Variants in JAKMIP3 observed in about 807,000 individuals in gnomAD.
JAKMIP3 encodes Janus kinase and microtubule interacting protein 3, also known as janus kinase and microtubule-interacting protein 3.
JAKMIP3 carries 58 observed loss-of-function variants against 118.5 expected under a neutral mutation model. That is an observed-to-expected ratio of 0.49 (90% CI 0.40 to 0.61). The LOEUF (loss-of-function observed/expected upper bound fraction) is 0.61. Among genes scored for constraint, JAKMIP3 ranks in the 20% least tolerant of loss-of-function variants. The pLI is 0.00. For synonymous variants in JAKMIP3, 486 were observed against 451.2 expected (o/e 1.08, Z -0.98); for missense variants, 950 against 1,109.0 (o/e 0.86, Z 2.04).
chr10:132,157,970 C>A (rs1253710049), intron 19 of JAKMIP3, among the ~76,000 whole-genome samples: 1 of 151,828 alleles, frequency 6.6e-6, no homozygotes, highest in Non-Finnish European at 1.5e-5. Context: ...AGAGATTGTA[C>A]AAAAAAATTC....
chr10:132,128,153 C>G (rs1231881466), intron 3 of JAKMIP3, among the ~76,000 whole-genome samples: 1 of 152,250 alleles, frequency 6.6e-6, no homozygotes, highest in Non-Finnish European at 1.5e-5. Context: ...GACTTGCCTT[C>G]ATTTCCAAGG....
At chr10:132,092,528 C>T (rs1420300304) in intron 1 of JAKMIP3, among the ~76,000 whole-genome samples, 1 of 152,216 alleles carries the variant, frequency 6.6e-6, no homozygotes. Context: ...GGTCTTCAAT[C>T]ACTGATACCC....
chr10:132,115,205 G>A (rs1457351782), intron 2 of JAKMIP3, among the ~76,000 whole-genome samples: 3 of 97,754 alleles, frequency 3.1e-5, no homozygotes, highest in East Asian at 4.4e-4. Context: ...CCGCGATCGC[G>A]GCTAGGGGTC....
intron 1 of JAKMIP3, among the ~76,000 whole-genome samples, chr10:132,069,325 C>T (rs952179228): frequency 2.1e-4 from 32 of 152,086 alleles, no homozygotes; most frequent in African/African-American, 7.2e-4. Flanking sequence ...TGTGTTACAC[C>T]CCCAAGGACA....
At position 132,117,586 on chromosome 10, in the gene JAKMIP3, GGCAGGGGCGGGCGTGGGCGAGGGT is replaced by G. The variant is rs147938166; in HGVS notation, c.633+66_633+89del. ...AGATCCGCAGGCTGGTACGTGGGCA[GGCAGGGGCGGGCGTGGGCGAGGGT>G]GCAGGGGCGGGCGTGGGCGAGGGTG... On this transcript the variant is annotated intron_variant, in intron 3 of 23. Coordinates refer to ENST00000684848, the MANE Select transcript of JAKMIP3 (RefSeq NM_001323087.2). This position sits in a 1 kb window ranked among gnomAD's most constrained non-coding sequence, Gnocchi z 8.6. The G allele has an allele frequency of 0.11, 170,747 of 1,498,708 alleles. 34,988 individuals are homozygous for G. The highest frequency in any genetic ancestry group is 0.38 in the East Asian group (14,823 of 39,080). The allele number at this position is 1,498,708 out of a possible 1,614,324, so 92.8% of individuals were successfully genotyped here.
intron 8 of JAKMIP3, 127 bp downstream of exon 8, chr10:132,137,416 TTTG>T (rs1369779335): frequency 8.2e-7 from 1 of 1,217,858 alleles, no homozygotes; most frequent in African/African-American, 1.5e-5. Context: ...TCGGGTGGAT[TTTG>T]TTGTTGCAGT....
intron 23 of JAKMIP3, among the ~76,000 whole-genome samples, chr10:132,177,279 G>A (rs573311738): frequency 5.9e-5 from 9 of 152,392 alleles, no homozygotes; most frequent in East Asian, 5.8e-4. Context: ...GCTGGGCATC[G>A]CTGTGGAGGC....
Position 132,117,491 on chromosome 10 carries a change from G to T in JAKMIP3, c.550G>T (p.Ala184Ser). Residue 184 changes from alanine to serine, a missense_variant, in exon 3 of 24, where the codon GCA becomes TCA. Physicochemically the swap from Ala to Ser is moderately conservative, Grantham distance 99. Coordinates refer to ENST00000684848, the MANE Select transcript of JAKMIP3 (RefSeq NM_001323087.2). The surrounding 1 kb of genome is among the most constrained non-coding windows in gnomAD (Gnocchi z 8.6). ...LVIQADKIKAAEIRSVYHLHQ... is the reference protein window; with the variant it reads ...LVIQADKIKASEIRSVYHLHQ... ...GATCCAAGCGGACAAGATCAAGGCC[G>T]CAGAGATCCGCAGCGTGTACCACCT... The T allele has an allele frequency of 6.2e-7, 1 of 1,612,240 alleles. No homozygotes were observed. The highest frequency in any genetic ancestry group is 8.5e-7 in the Non-Finnish European group (1 of 1,179,306).
chr10:132,069,227 G>A (rs1032679821), intron 1 of JAKMIP3, among the ~76,000 whole-genome samples: 2 of 152,170 alleles, frequency 1.3e-5, no homozygotes, highest in African/African-American at 4.8e-5. Context: ...CTTCCTGCCT[G>A]AGGAGGACTC....
intron 2 of JAKMIP3, among the ~76,000 whole-genome samples, chr10:132,111,357 C>CCA (rs1554934588): frequency 1.3e-5 from 2 of 151,886 alleles, no homozygotes; most frequent in African/African-American, 4.8e-5. Flanking sequence ...AGACCCCCCC[C>CCA]ATGAGCACAG....
chr10:132,080,445 T>G (rs1343426149), intron 1 of JAKMIP3, among the ~76,000 whole-genome samples: 6 of 151,316 alleles, frequency 4.0e-5, no homozygotes, highest in Non-Finnish European at 5.9e-5. Context: ...AAATGTGTAT[T>G]CAAATCCTTC....
intron 4 of JAKMIP3, among the ~76,000 whole-genome samples, chr10:132,133,826 C>T (rs1488853387): frequency 6.6e-6 from 1 of 152,264 alleles, no homozygotes; most frequent in Non-Finnish European, 1.5e-5. Context: ...ATGGCACTTG[C>T]TGGCCCGGAG....
At chr10:132,070,850 G>C (rs11146145) in intron 1 of JAKMIP3, among the ~76,000 whole-genome samples, 2 of 152,002 alleles carry the variant, frequency 1.3e-5, no homozygotes, top group Non-Finnish European at 2.9e-5. Context: ...TGACAGCCAC[G>C]CTCAGACACA....
intron 1 of JAKMIP3, among the ~76,000 whole-genome samples, chr10:132,100,165 C>CCCCCACACGGA (rs2134709851): frequency 1.1e-5 from 1 of 93,106 alleles, no homozygotes; most frequent in East Asian, 3.4e-4. Flanking sequence ...CCCTCACAGG[C>CCCCCACACGGA]CCCCACACGG....
At chr10:132,167,092 G>A (rs369041091) in intron 22 of JAKMIP3, 37 bp downstream of exon 22, 21 of 1,421,160 alleles carry the variant, frequency 1.5e-5, no homozygotes, top group African/African-American at 2.9e-5. Context: ...CAGGGGTCCC[G>A]CTCTGCTTCC....
At chr10:132,052,392 T>C (rs2038127070) in intron 1 of JAKMIP3, among the ~76,000 whole-genome samples, 1 of 152,256 alleles carries the variant, frequency 6.6e-6, no homozygotes. Flanking sequence ...TTGAGTTTTC[T>C]TATGTAGATC....
chr10:132,073,986 ACCAGCAGC>A (rs2040385661), intron 1 of JAKMIP3, among the ~76,000 whole-genome samples: 1 of 141,032 alleles, frequency 7.1e-6, no homozygotes, highest in African/African-American at 2.7e-5. Flanking sequence ...TTACATTCCC[ACCAGCAGC>A]GTACAAGAGT....
chr10:132,083,815 T>C (rs975498860), intron 1 of JAKMIP3, among the ~76,000 whole-genome samples: 1 of 152,156 alleles, frequency 6.6e-6, no homozygotes, highest in Admixed American at 6.6e-5. Context: ...TTTTTGTTTG[T>C]TTTGTCAAAG....
intron 19 of JAKMIP3, among the ~76,000 whole-genome samples, chr10:132,162,814 G>A (rs181813451): frequency 6.2e-4 from 94 of 152,328 alleles, no homozygotes; most frequent in African/African-American, 2.0e-3. Context: ...CACCAGGATC[G>A]GGTTCCATGG....
Sources: gnomAD v4.1 joint callset for allele counts (sites outside exome capture counted in the v4.1 genomes callset) on GRCh38, gnomAD v4.1.1 for gene constraint, Gnocchi (gnomAD v3.1) non-coding constraint, MANE v1.5 for transcripts, NCBI Gene and HGNC (gene_info 2026-07-23, HGNC 2026-07-21) for gene names.